The following IL1RAPL2 variants were observed in gnomAD, a reference collection of about 807,000 sequenced individuals.
IL1RAPL2 encodes the protein X-linked interleukin-1 receptor accessory protein-like 2.
Under a neutral mutation model 44.1 loss-of-function variants are expected in IL1RAPL2, and 3 were observed. The ratio of observed to expected loss-of-function variants is 0.07; its 90% CI spans 0.03 to 0.18. The LOEUF is 0.18. Ranked by LOEUF, IL1RAPL2 falls within the 10% of genes least tolerant of loss-of-function variation. The pLI, the probability that IL1RAPL2 is intolerant of heterozygous loss-of-function variation, is 1.00. For synonymous variants in IL1RAPL2, 181 were observed against 178.8 expected (o/e 1.01, Z -0.10); for missense variants, 391 against 496.4 (o/e 0.79, Z 2.02).
chrX:104,662,983 A>G (rs1159942884), intron 2 of IL1RAPL2, among the ~76,000 whole-genome samples: 2 of 112,103 alleles, frequency 1.8e-5, no homozygotes, highest in East Asian at 5.7e-4. Flanking sequence ...CTACCTGCAT[A>G]TCTCAATCAG....
intron 2 of IL1RAPL2, among the ~76,000 whole-genome samples, chrX:104,993,650 T>C (rs1031899174): frequency 4.5e-5 from 5 of 111,460 alleles, no homozygotes; most frequent in Non-Finnish European, 9.4e-5. Flanking sequence ...CAAGTCAACA[T>C]TTATTGAATT....
intron 5 of IL1RAPL2, among the ~76,000 whole-genome samples, chrX:105,334,940 T>G (rs1054428889): frequency 1.1e-4 from 12 of 109,968 alleles, no homozygotes; most frequent in Non-Finnish European, 1.9e-4. Flanking sequence ...TATATAGAGG[T>G]TTTTTTTTAA....
At chrX:105,309,045 A>T (rs61060128) in intron 5 of IL1RAPL2, among the ~76,000 whole-genome samples, 11,366 of 109,540 alleles carry the variant, frequency 0.1, 1,467 homozygotes, top group African/African-American at 0.36. Context: ...TTAATTAATT[A>T]ATTTTTGAGA....
intron 5 of IL1RAPL2, among the ~76,000 whole-genome samples, chrX:105,423,530 A>G (rs2035787200): frequency 9.0e-6 from 1 of 111,372 alleles, no homozygotes; most frequent in Non-Finnish European, 1.9e-5. Context: ...CTCAGATTTG[A>G]CCCAGTCAGG....
In IL1RAPL2 at chrX:105,301,406, A is replaced by G. The variant is rs185371691; in HGVS notation, c.697+33865A>G. ...CAAGCATTTATCCTTTGTGTTACAA[A>G]CAATCCAGTTATACTATTTTTGTTA... On this transcript the variant is annotated intron_variant, in intron 5 of 10. Transcript: ENST00000372582. Among the ~76,000 whole-genome samples the G allele has an allele frequency of 7.2e-5, 8 of 111,535 alleles. No homozygotes were observed. The East Asian group carries it at 1.7e-3, about 24-fold the overall frequency.
chrX:105,468,055 GA>G (rs2036142593), intron 5 of IL1RAPL2, among the ~76,000 whole-genome samples: 1 of 111,783 alleles, frequency 8.9e-6, no homozygotes, highest in Non-Finnish European at 1.9e-5. Context: ...CAAACCGAAA[GA>G]TGTAGAATGG....
chrX:104,934,586 A>G (rs1924984928), intron 2 of IL1RAPL2, among the ~76,000 whole-genome samples: 1 of 111,393 alleles, frequency 9.0e-6, no homozygotes. Flanking sequence ...AATCTGAAGA[A>G]TGGATATCCA....
At chrX:105,029,432 T>C in intron 2 of IL1RAPL2, among the ~76,000 whole-genome samples, 1 of 76,056 alleles carries the variant, frequency 1.3e-5, no homozygotes, top group Non-Finnish European at 2.3e-5. Context: ...CCCCAGAGTG[T>C]GATGTTCCCC....
chrX:104,602,690 C>G (rs1388692470), intron 1 of IL1RAPL2, among the ~76,000 whole-genome samples: 1 of 111,177 alleles, frequency 9.0e-6, no homozygotes, highest in Admixed American at 9.6e-5. Flanking sequence ...GGCAGTATTA[C>G]GCTCACAGTG....
intron 2 of IL1RAPL2, among the ~76,000 whole-genome samples, chrX:105,069,469 T>C (rs2032179355): frequency 8.9e-6 from 1 of 112,596 alleles, no homozygotes; most frequent in Non-Finnish European, 1.9e-5. Flanking sequence ...AACACAGTTT[T>C]AGTTTGATTC....
intron 5 of IL1RAPL2, among the ~76,000 whole-genome samples, chrX:105,315,576 ATG>A (rs1357751941): frequency 2.3e-5 from 1 of 42,738 alleles, no homozygotes; most frequent in Admixed American, 3.2e-4. Context: ...GAACTAATGG[ATG>A]TATATATATA....
At chrX:104,975,444 A>G (rs190416397) in intron 2 of IL1RAPL2, among the ~76,000 whole-genome samples, 1 of 112,497 alleles carries the variant, frequency 8.9e-6, no homozygotes, top group Admixed American at 9.4e-5. Context: ...ATGACTGTAT[A>G]TACACTTAAA....
At chrX:105,138,385 C>CACT (rs879241580) in intron 2 of IL1RAPL2, among the ~76,000 whole-genome samples, 2 of 106,641 alleles carry the variant, frequency 1.9e-5, no homozygotes, top group Admixed American at 2.1e-4. Flanking sequence ...ATCTTTGAGG[C>CACT]ACTATCAGCA....
At chrX:105,264,746 A>G (rs1167705814) in intron 4 of IL1RAPL2, among the ~76,000 whole-genome samples, 1 of 111,924 alleles carries the variant, frequency 8.9e-6, no homozygotes, top group African/African-American at 3.2e-5. Flanking sequence ...CCATAAGCAA[A>G]TTTGCTGAAG....
At chrX:104,962,665 G>T (rs2030031421) in intron 2 of IL1RAPL2, among the ~76,000 whole-genome samples, 1 of 112,274 alleles carries the variant, frequency 8.9e-6, no homozygotes. Context: ...ATGTCATTAG[G>T]AATTTCCTTT....
At position 105,656,635 on chromosome X, in the gene IL1RAPL2, C is replaced by T. The variant is rs375630787; in HGVS notation, c.773-60732C>T. Among the ~76,000 whole-genome samples the T allele has an allele frequency of 7.2e-5, 8 of 111,625 alleles. No homozygotes were observed. The East Asian group carries it at 2.0e-3, about 28-fold the overall frequency. ...TCCTGCAAAGCAAGAGACCATAAGC[C>T]CTAACCAATCACTCATTTGGGTACC... is the stretch of plus-strand genomic sequence containing the variant. On this transcript the variant is annotated intron_variant, in intron 6 of 10. Coordinates refer to ENST00000372582, the MANE Select transcript of IL1RAPL2 (RefSeq NM_017416.2).
chrX:105,338,704 G>A (rs2035047317), intron 5 of IL1RAPL2, among the ~76,000 whole-genome samples: 1 of 111,981 alleles, frequency 8.9e-6, no homozygotes, highest in African/African-American at 3.2e-5. Flanking sequence ...TTTGAAGGAT[G>A]ACCTTTTTCA....
chrX:105,379,283 A>G (rs1259298845), intron 5 of IL1RAPL2, among the ~76,000 whole-genome samples: 1 of 111,396 alleles, frequency 9.0e-6, no homozygotes, highest in African/African-American at 3.3e-5. Flanking sequence ...GGTCATAAGA[A>G]CAACTCTGTT....
intron 5 of IL1RAPL2, among the ~76,000 whole-genome samples, chrX:105,476,120 A>G (rs1334776668): frequency 3.5e-5 from 4 of 112,792 alleles, no homozygotes; most frequent in East Asian, 2.8e-4. Flanking sequence ...TTTAACCTCT[A>G]TTTGGTAAAG....
Sources: gnomAD v4.1 joint callset for allele counts (sites outside exome capture counted in the v4.1 genomes callset) on GRCh38, gnomAD v4.1.1 for gene constraint, MANE v1.5 for transcripts, NCBI Gene and HGNC (gene_info 2026-07-23, HGNC 2026-07-21) for gene names.